Variants in CIBAR1 observed in about 807,000 individuals in gnomAD.
The protein encoded by CIBAR1 is CBY1 interacting BAR domain containing 1, also known as CBY1-interacting BAR domain-containing protein 1.
Under a neutral mutation model 44.0 loss-of-function variants are expected in CIBAR1, and 25 were observed. The ratio of observed to expected loss-of-function variants is 0.57; its 90% CI spans 0.41 to 0.79. The LOEUF is 0.79. Ranked by LOEUF, CIBAR1 falls within the 30% of genes least tolerant of loss-of-function variation. The pLI is 0.00. For synonymous variants in CIBAR1, 115 were observed against 119.0 expected (o/e 0.97, Z 0.22); for missense variants, 278 against 344.8 (o/e 0.81, Z 1.53).
At chr8:93,703,597 A>G in intron 2 of CIBAR1, 23 bp from the exon 3 acceptor site, 2 of 1,413,316 alleles carry the variant, frequency 1.4e-6, no homozygotes, top group Non-Finnish European at 1.9e-6. Flanking sequence ...GTTCTAATTT[A>G]AAATTTTAAT....
At chr8:93,726,847 CTT>C (rs1811533837) in intron 8 of CIBAR1, 1 of 346,098 alleles carries the variant, frequency 2.9e-6, no homozygotes, top group Non-Finnish European at 5.5e-6. Flanking sequence ...ACTATCAAAA[CTT>C]AGTGGATCTC....
chr8:93,715,006 G>C (rs373211211), intron 6 of CIBAR1, among the ~76,000 whole-genome samples: 66 of 152,324 alleles, frequency 4.3e-4, no homozygotes, highest in Middle Eastern at 3.4e-3. Flanking sequence ...AAGCAGAAAT[G>C]ATTGGCAGTA....
chr8:93,700,884 C>G lies in CIBAR1; in HGVS notation c.26+211C>G, dbSNP rs963810149. 3.4e-5 allele frequency: 45 copies of G among 1,310,838 alleles called. No individual in the cohort carries two copies. In the South Asian group the frequency reaches 6.2e-4, roughly 18 times the overall value. The allele number at this position is 1,310,838 out of a possible 1,614,324, so 81.2% of individuals were successfully genotyped here. A position where few individuals can be genotyped will look rare whatever the true frequency, so the allele number is the denominator to read the frequency against. On this transcript the variant is annotated intron_variant, in intron 1 of 8. Coordinates refer to ENST00000518322, the MANE Select transcript of CIBAR1 (RefSeq NM_145269.5). ...CCGGGGCCCGGCCGGCTGCCACCCA[C>G]CCACGCCACCGGGTCTCGGGTCCCC...
rs1811742150 is a variant in CIBAR1 at position 93,730,393 on chromosome 8, T to C, written c.*2096T>C. 1 of 152,080 alleles carries C rather than the reference T, an allele frequency of 6.6e-6. No homozygotes were observed. The highest frequency in any genetic ancestry group is 2.4e-5 in the African/African-American group (1 of 41,406). 9.4% of individuals were successfully genotyped at this position (152,080 alleles called of 1,614,324 possible). On this transcript the variant is annotated 3_prime_UTR_variant, in exon 9 of 9. Transcript: ENST00000518322. ...ATTGACTTTCTAGACATGATCTACA[T>C]TTTTTTAGATAATTTCTAGACAAAA...
rs201718859 is a variant in CIBAR1, at chr8:93,701,367, C to T, written c.170C>T (p.Ala57Val). Residue 57 changes from alanine to valine, a missense_variant, in exon 2 of 9, where the codon GCG becomes GTG. Physicochemically the swap from Ala to Val is moderately conservative, Grantham distance 64. Transcript: ENST00000518322. ...GACCTCCTGGTGAATGAAATTAACG[C>T]GTATGCTGCTACAGAGACCCCGCAT... is the stretch of plus-strand genomic sequence containing the variant. ...KADLLVNEIN[A>V]YAATETPHLK... 4 of 1,613,826 alleles carry T rather than the reference C, an allele frequency of 2.5e-6. No homozygotes were observed. The highest frequency in any genetic ancestry group is 1.3e-5 in the African/African-American group (1 of 74,990).
intron 7 of CIBAR1, among the ~76,000 whole-genome samples, chr8:93,723,907 A>G (rs1198616268): frequency 2.6e-5 from 4 of 152,186 alleles, no homozygotes; most frequent in African/African-American, 9.6e-5. Context: ...TAGGTTCTGC[A>G]TTTACAGTCA....
chr8:93,726,769 T>C, intron 8 of CIBAR1: 1 of 427,284 alleles, frequency 2.3e-6, no homozygotes, highest in Non-Finnish European at 4.3e-6. Flanking sequence ...AAAAGAATGC[T>C]AATGCAGATG....
Position 93,711,271 on chromosome 8 carries a change from T to G in CIBAR1, c.543+1396T>G, listed in dbSNP as rs537242229. ...CTGTAACAGGCTTTAAATATGTTTG[T>G]TTTTATTTTACTACTATTGACAAAT... On this transcript the variant is annotated intron_variant, in intron 6 of 8. Transcript: ENST00000518322. Among the ~76,000 whole-genome samples, 225 of 152,332 alleles carry G rather than the reference T, an allele frequency of 1.5e-3. 3 individuals are homozygous for G. The highest frequency in any genetic ancestry group is 3.4e-3 in the Admixed American group (52 of 15,302).
chr8:93,709,795 G>A lies in CIBAR1; in HGVS notation c.463G>A (p.Ala155Thr), dbSNP rs1024671355. Residue 155 changes from alanine to threonine, a missense_variant, in exon 6 of 9, where the codon GCA (alanine) becomes ACA (threonine). By Grantham distance (58) the Ala-to-Thr change is moderately conservative. Transcript: ENST00000518322. ...GGCAGAAACGGAATTACAGAGAGCTGCAATGGATGCTAGCCGAACAAGTCG... is the reference window on the plus strand; with the variant it reads ...GGCAGAAACGGAATTACAGAGAGCTACAATGGATGCTAGCCGAACAAGTCG... Reference protein sequence around the residue: ...SQAETELQRAAMDASRTSRHL... With the variant: ...SQAETELQRATMDASRTSRHL... 10 of 1,613,270 alleles carry A rather than the reference G, an allele frequency of 6.2e-6. No homozygotes were observed. The African/African-American group carries it at 6.7e-5, about 11-fold the overall frequency.
chr8:93,718,612 A>G lies in CIBAR1; in HGVS notation c.544-63A>G, dbSNP rs1173136922. The stretch of plus-strand genomic sequence containing the variant: ...ATACCAAGACTATAGTGAGGAATAA[A>G]GTTACTATATTCATAAAGAAATTTA... On this transcript the variant is annotated intron_variant, in intron 6 of 8. Transcript: ENST00000518322. The G allele has an allele frequency of 6.6e-6, 6 of 910,950 alleles. No individual in the cohort carries two copies. The African/African-American group carries it at 6.7e-5, about 10-fold the overall frequency. 56.4% of individuals were successfully genotyped at this position (910,950 alleles called of 1,614,324 possible). A position where few individuals can be genotyped will look rare whatever the true frequency, so the allele number is the denominator to read the frequency against.
chr8:93,709,643 T>C (rs1037118505), intron 5 of CIBAR1, 128 bp from the exon 6 acceptor site: 13 of 723,724 alleles, frequency 1.8e-5, no homozygotes, highest in African/African-American at 3.5e-5. Flanking sequence ...TGGTAAAATA[T>C]AATATTAACA....
In CIBAR1 at chr8:93,728,326, G is replaced by T. The variant is rs1357325180; in HGVS notation, c.*29G>T. 2.1e-6 allele frequency: 3 copies of T among 1,421,902 alleles called. No individual in the cohort carries two copies. Among genetic ancestry groups the T allele is most frequent in the African/African-American group, 2.9e-5 (2 of 69,072 alleles). 88.1% of individuals were successfully genotyped at this position (1,421,902 alleles called of 1,614,324 possible). ...ACACATTTCCATTTTCATCATAAAT[G>T]ACTTGAAATCCACAATGACTAAATT... On this transcript the variant is annotated 3_prime_UTR_variant, in exon 9 of 9. Coordinates refer to ENST00000518322, the MANE Select transcript of CIBAR1 (RefSeq NM_145269.5).
intron 7 of CIBAR1, chr8:93,720,074 C>G (rs979008884): frequency 8.6e-5 from 13 of 151,958 alleles, no homozygotes; most frequent in African/African-American, 3.2e-4. Flanking sequence ...ACCTCCGCCT[C>G]CTGGGTTCAA....
At chr8:93,701,731 G>A (rs1810366017) in intron 2 of CIBAR1, 1 of 447,490 alleles carries the variant, frequency 2.2e-6, no homozygotes, top group Non-Finnish European at 4.0e-6. Context: ...TGTTTACTGG[G>A]GGTAGTGGGA....
intron 6 of CIBAR1, chr8:93,715,431 T>C (rs1025218365): frequency 6.6e-6 from 1 of 152,204 alleles, no homozygotes; most frequent in East Asian, 1.9e-4. Flanking sequence ...AACTTATCCA[T>C]AAAATTAGAC....
intron 6 of CIBAR1, among the ~76,000 whole-genome samples, chr8:93,713,954 A>G (rs1810933621): frequency 6.6e-6 from 1 of 152,154 alleles, no homozygotes; most frequent in African/African-American, 2.4e-5. Context: ...TTCTGGATCT[A>G]TGGCAATCCT....
intron 6 of CIBAR1, among the ~76,000 whole-genome samples, chr8:93,714,211 A>G (rs1234434290): frequency 6.6e-6 from 1 of 152,152 alleles, no homozygotes; most frequent in African/African-American, 2.4e-5. Flanking sequence ...AGTATTTTAT[A>G]CTTCTTGTTG....
At position 93,713,033 on chromosome 8, in the gene CIBAR1, C is replaced by CTTTTTTTTTTTT. The variant is rs149552672; in HGVS notation, c.543+3163_543+3174dup. Among the ~76,000 whole-genome samples, 2 of 128,814 alleles carry CTTTTTTTTTTTT rather than the reference C, an allele frequency of 1.6e-5. 1 individual carries two copies. The allele number at this position is 128,814 out of a possible 152,430, so 84.5% of individuals were successfully genotyped here. On this transcript the variant is annotated intron_variant, in intron 6 of 8. Coordinates refer to ENST00000518322, the MANE Select transcript of CIBAR1 (RefSeq NM_145269.5). ...TTACCCTTTTTTTCTCCTTTTTTTT[C>CTTTTTTTTTTTT]TTTTTTTTTTTTTTTTCGAGACAGA...
intron 1 of CIBAR1, 70 bp downstream of exon 1, chr8:93,700,743 C>T: frequency 6.9e-7 from 1 of 1,448,138 alleles, no homozygotes; most frequent in Non-Finnish European, 9.1e-7. Context: ...GTGGAAGCCT[C>T]TGTCCATGGG....
Sources: allele counts gnomAD v4.1 joint callset (sites outside exome capture counted in the v4.1 genomes callset), GRCh38; gene constraint gnomAD v4.1.1; transcripts MANE v1.5; gene names NCBI Gene and HGNC (gene_info 2026-07-23, HGNC 2026-07-21).